Variants in KCNQ1 observed in about 807,000 individuals in gnomAD.
KCNQ1 encodes the protein potassium voltage-gated channel subfamily KQT member 1.
KCNQ1 carries 49 observed loss-of-function variants against 72.4 expected under a neutral mutation model. That is an observed-to-expected ratio of 0.68 (90% CI 0.54 to 0.86). The LOEUF is 0.86. Ranked by LOEUF, KCNQ1 falls within the 40% of genes least tolerant of loss-of-function variation. The pLI is 0.00. For missense variants in KCNQ1, 790 were observed against 945.1 expected (o/e 0.84, Z 2.15); for synonymous variants, 450 against 412.6 (o/e 1.09, Z -1.10).
At chr11:2,469,696 C>T (rs1004280302) in intron 1 of KCNQ1, among the ~76,000 whole-genome samples, 3 of 151,934 alleles carry the variant, frequency 2.0e-5, no homozygotes, top group Admixed American at 6.6e-5. Flanking sequence ...TTTTTTGAGA[C>T]GGAGTCTCGC....
Position 2,445,763 on chromosome 11 carries a change from G to C in KCNQ1, c.386+279G>C, listed in dbSNP as rs376907750. ...GCCCAGAATTTGGCTCCACACCTCCGGGAGGGTAGTCCAGGTGTGAATCCT... is the reference window on the plus strand; with the variant it reads ...GCCCAGAATTTGGCTCCACACCTCCCGGAGGGTAGTCCAGGTGTGAATCCT... On this transcript the variant is annotated intron_variant, in intron 1 of 15. Transcript: ENST00000155840. Among the ~76,000 whole-genome samples, 79 of 152,308 alleles carry C rather than the reference G, an allele frequency of 5.2e-4. 2 individuals carry two copies. The South Asian group carries it at 0.016, about 30-fold the overall frequency.
At chr11:2,578,036 G>A (rs2133741868) in intron 6 of KCNQ1, among the ~76,000 whole-genome samples, 1 of 152,318 alleles carries the variant, frequency 6.6e-6, no homozygotes, top group African/African-American at 2.4e-5. Context: ...CATGGGGGGA[G>A]CCCACCAGCT....
At chr11:2,660,655 C>T (rs1265666514) in intron 10 of KCNQ1, 8 of 398,500 alleles carry the variant, frequency 2.0e-5, no homozygotes, top group South Asian at 1.3e-4. Flanking sequence ...AACAGCAATG[C>T]CTCAGTTTTC....
chr11:2,739,532 G>A (rs945322989), intron 11 of KCNQ1, among the ~76,000 whole-genome samples: 1 of 152,226 alleles, frequency 6.6e-6, no homozygotes. Flanking sequence ...TTACTCTAAT[G>A]AAATACCACC....
intron 10 of KCNQ1, chr11:2,618,195 T>G (rs928489816): frequency 5.0e-6 from 2 of 398,442 alleles, no homozygotes; most frequent in Admixed American, 8.8e-5. Context: ...TTTATTTCTA[T>G]GTATGGTGTA....
At chr11:2,837,883 C>T (rs910769598) in intron 15 of KCNQ1, among the ~76,000 whole-genome samples, 1 of 152,150 alleles carries the variant, frequency 6.6e-6, no homozygotes, top group Non-Finnish European at 1.5e-5. Flanking sequence ...GCTGGTATCT[C>T]GAGAACAGCA....
At position 2,658,228 on chromosome 11, in the gene KCNQ1, T is replaced by A. The variant is rs1849886636; in HGVS notation, c.1394-3733T>A. ...TTCAGCATTCATTCATGGATCGTTT[T>A]CCTGCAGCAAATATTACCGTGATGT... is the stretch of plus-strand genomic sequence containing the variant. On this transcript the variant is annotated intron_variant, in intron 10 of 15. Transcript: ENST00000155840. The surrounding 1 kb of genome is among the most constrained non-coding windows in gnomAD (Gnocchi z 4.9). 2.5e-6 allele frequency: 1 copy of A among 398,636 alleles called. No homozygotes were observed. The allele number at this position is 398,636 out of a possible 1,614,324, so 24.7% of individuals were successfully genotyped here. A position where few individuals can be genotyped will look rare whatever the true frequency, so the allele number is the denominator to read the frequency against.
chr11:2,709,692 C>G (rs34053306), intron 11 of KCNQ1, among the ~76,000 whole-genome samples: 1 of 152,104 alleles, frequency 6.6e-6, no homozygotes, highest in African/African-American at 2.4e-5. Flanking sequence ...TCTATCTCCA[C>G]GGGTTTGCCT....
intron 15 of KCNQ1, among the ~76,000 whole-genome samples, chr11:2,841,775 C>T (rs1262167921): frequency 6.6e-6 from 1 of 152,204 alleles, no homozygotes; most frequent in African/African-American, 2.4e-5. Flanking sequence ...AGGGACATGG[C>T]GCCCCTGAGG....
In KCNQ1 at chr11:2,613,261, C is replaced by T; in HGVS notation, c.1393+24407C>T. ...CCAAGGATAAGTAGATAGCAGGAAA[C>T]CTCTCTGATCTCTCCTGCAAGCATG... On this transcript the variant is annotated intron_variant, in intron 10 of 15. Transcript: ENST00000155840. The surrounding 1 kb of genome is among the most constrained non-coding windows in gnomAD (Gnocchi z 4.8). 1 of 398,488 alleles carries T rather than the reference C, an allele frequency of 2.5e-6. No homozygotes were observed. Among genetic ancestry groups the T allele is most frequent in the Non-Finnish European group, 4.4e-6 (1 of 226,052 alleles). 24.7% of individuals were successfully genotyped at this position (398,488 alleles called of 1,614,324 possible).
rs1849231680 is a variant in KCNQ1, at chr11:2,624,548, T to C, written c.1393+35694T>C. The C allele has an allele frequency of 2.5e-6, 1 of 398,550 alleles. No homozygotes were observed. The allele number at this position is 398,550 out of a possible 1,614,324, so 24.7% of individuals were successfully genotyped here. ...TATCTTCTGGGATTTCTATTTGTTG[T>C]TGATTTCCAAATCTTTTATTGTGGC... On this transcript the variant is annotated intron_variant, in intron 10 of 15. Transcript: ENST00000155840. The surrounding 1 kb of genome is among the most constrained non-coding windows in gnomAD (Gnocchi z 4.9).
intron 11 of KCNQ1, chr11:2,684,501 C>T (rs1314486118): frequency 5.0e-6 from 2 of 398,540 alleles, no homozygotes; most frequent in African/African-American, 4.1e-5. Context: ...TCCTTCTATT[C>T]CTCCTATTCC....
intron 10 of KCNQ1, chr11:2,640,257 A>G (rs1327985889): frequency 7.6e-6 from 3 of 396,706 alleles, no homozygotes; most frequent in Non-Finnish European, 8.9e-6. Flanking sequence ...TGAACCCACT[A>G]CCTCAGTTGG....
intron 10 of KCNQ1, chr11:2,630,764 G>A: frequency 5.0e-6 from 2 of 398,454 alleles, no homozygotes; most frequent in Non-Finnish European, 8.8e-6. Flanking sequence ...TGTAAGGCAA[G>A]AGTAGTTGCT....
intron 1 of KCNQ1, among the ~76,000 whole-genome samples, chr11:2,504,906 C>T (rs1271168922): frequency 6.6e-6 from 1 of 152,170 alleles, no homozygotes; most frequent in African/African-American, 2.4e-5. Flanking sequence ...AACCTATACA[C>T]CTACTATGTA....
intron 12 of KCNQ1, among the ~76,000 whole-genome samples, chr11:2,775,699 C>G (rs1338339643): frequency 6.6e-6 from 1 of 152,164 alleles, no homozygotes; most frequent in Non-Finnish European, 1.5e-5. Flanking sequence ...GACAGCAGGC[C>G]CCTGCCGGTG....
intron 2 of KCNQ1, among the ~76,000 whole-genome samples, chr11:2,553,905 T>C (rs1411339730): frequency 6.6e-6 from 1 of 152,060 alleles, no homozygotes; most frequent in Non-Finnish European, 1.5e-5. Flanking sequence ...TAGGTAGAGA[T>C]AGGGTTTCAC....
chr11:2,509,332 T>C lies in KCNQ1; in HGVS notation c.387-18596T>C, dbSNP rs1313159540. Among the ~76,000 whole-genome samples, 4 of 152,168 alleles carry C rather than the reference T, an allele frequency of 2.6e-5. No homozygotes were observed. The highest frequency in any genetic ancestry group is 4.4e-5 in the Non-Finnish European group (3 of 68,016). On this transcript the variant is annotated intron_variant, in intron 1 of 15. Coordinates refer to ENST00000155840, the MANE Select transcript of KCNQ1 (RefSeq NM_000218.3). This position sits in a 1 kb window ranked among gnomAD's most constrained non-coding sequence, Gnocchi z 6.3. Reference sequence around the variant, plus strand: ...TGGCATCATCATTGTTTCCCCTCCATGTTCAAGTTCAGCATCTCTGCACCC... The same window carrying C: ...TGGCATCATCATTGTTTCCCCTCCACGTTCAAGTTCAGCATCTCTGCACCC...
In KCNQ1 at chr11:2,458,683, G is replaced by GGATGGATC. The variant is rs1391224442; in HGVS notation, c.386+13202_386+13203insGGATCGAT. On this transcript the variant is annotated intron_variant, in intron 1 of 15. Transcript: ENST00000155840. The surrounding 1 kb of genome is among the most constrained non-coding windows in gnomAD (Gnocchi z 4.6). ...TGGATGGATGGATGGATGGATGGAT[G>GGATGGATC]GATCGATCGATCTCACCAAGCCTCG... 8.6e-4 allele frequency among the ~76,000 whole-genome samples: 110 copies of GGATGGATC among 127,284 alleles called. No homozygotes were observed. Among genetic ancestry groups the GGATGGATC allele is most frequent in the African/African-American group, 2.1e-3 (67 of 31,168 alleles). 83.5% of individuals were successfully genotyped at this position (127,284 alleles called of 152,430 possible). A position where few individuals can be genotyped will look rare whatever the true frequency, so the allele number is the denominator to read the frequency against.
Sources: gnomAD v4.1 joint callset for allele counts (sites outside exome capture counted in the v4.1 genomes callset) on GRCh38, gnomAD v4.1.1 for gene constraint, Gnocchi (gnomAD v3.1) non-coding constraint, MANE v1.5 for transcripts, NCBI Gene and HGNC (gene_info 2026-07-23, HGNC 2026-07-21) for gene names.